DLGAP2: variants seen among roughly 807,000 people sequenced by gnomAD.
The protein encoded by DLGAP2 is DLG associated protein 2.
A neutral mutation model predicts 100.3 loss-of-function variants in DLGAP2; 26 were observed. The ratio of observed to expected loss-of-function variants is 0.26; its 90% CI spans 0.19 to 0.36. DLGAP2 has a LOEUF of 0.36. DLGAP2 is among the 10% of genes least tolerant of loss of function. The pLI, the probability that DLGAP2 is intolerant of heterozygous loss-of-function variation, is 1.00. For missense variants in DLGAP2, 1,858 were observed against 1,453.2 expected, an observed-to-expected ratio of 1.28 and a Z score of -4.53; for synonymous variants, 886 against 630.1, an observed-to-expected ratio of 1.41 and a Z score of -6.08.
intron 14 of DLGAP2, among the ~76,000 whole-genome samples, chr8:1,699,313 T>C (rs773939703): frequency 1.3e-5 from 2 of 151,824 alleles, no homozygotes; most frequent in Non-Finnish European, 2.9e-5. Flanking sequence ...CTACTAAAAA[T>C]ACACAAAATT....
intron 3 of DLGAP2, among the ~76,000 whole-genome samples, chr8:1,364,375 G>A (rs567814255): frequency 9.2e-5 from 14 of 152,148 alleles, no homozygotes; most frequent in Non-Finnish European, 1.5e-4. Flanking sequence ...TGCCACGTGC[G>A]GAATGAGGAG....
At chr8:1,285,022 C>T (rs1799894236) in intron 3 of DLGAP2, among the ~76,000 whole-genome samples, 1 of 152,186 alleles carries the variant, frequency 6.6e-6, no homozygotes, top group Non-Finnish European at 1.5e-5. Context: ...ATTTCCCTTG[C>T]TTTTTGGTGT....
chr8:1,615,305 G>C (rs548352400), intron 6 of DLGAP2, among the ~76,000 whole-genome samples: 37 of 152,266 alleles, frequency 2.4e-4, no homozygotes, highest in Admixed American at 1.4e-3. Context: ...AACACCCAAA[G>C]CTAAGGAGGA....
At chr8:1,244,978 A>C (rs1261274447) in intron 2 of DLGAP2, among the ~76,000 whole-genome samples, 1 of 152,242 alleles carries the variant, frequency 6.6e-6, no homozygotes, top group East Asian at 1.9e-4. Flanking sequence ...ATTCACCCAC[A>C]GAAGGTGTGG....
At chr8:1,561,732 C>G (rs185366889) in intron 5 of DLGAP2, among the ~76,000 whole-genome samples, 1 of 140,726 alleles carries the variant, frequency 7.1e-6, no homozygotes, top group Non-Finnish European at 1.5e-5. Flanking sequence ...GTCCGCGCCT[C>G]GTTTCTGGGG....
intron 2 of DLGAP2, among the ~76,000 whole-genome samples, chr8:1,102,008 A>C (rs1255356229): frequency 6.6e-6 from 1 of 152,106 alleles, no homozygotes; most frequent in African/African-American, 2.4e-5. Flanking sequence ...AAGATTTATG[A>C]ACTTAAAAAA....
chr8:1,056,415 C>T (rs1257160839), intron 2 of DLGAP2, among the ~76,000 whole-genome samples: 1 of 152,168 alleles, frequency 6.6e-6, no homozygotes, highest in African/African-American at 2.4e-5. Context: ...TCTCTTTTTC[C>T]TAGTTTGCTT....
At chr8:1,616,798 C>A (rs548728464) in intron 6 of DLGAP2, among the ~76,000 whole-genome samples, 6 of 638 alleles carry the variant, frequency 9.4e-3, no homozygotes, top group African/African-American at 0.031. Context: ...GGTAAACTCA[C>A]GTCATGTGGG....
In DLGAP2 at chr8:1,453,228, G is replaced by T. The variant is rs150714950; in HGVS notation, c.107-48138G>T. On this transcript the variant is annotated intron_variant, in intron 3 of 14. Coordinates refer to ENST00000637795, the MANE Select transcript of DLGAP2 (RefSeq NM_001346810.2). The stretch of plus-strand genomic sequence containing the variant: ...TCTTAGGCACACAGTTCTCGGAGCT[G>T]GGACGGAGACGGGAATGGGCCGTGC... Among the ~76,000 whole-genome samples, 140 of 152,292 alleles carry T rather than the reference G, an allele frequency of 9.2e-4. 3 individuals carry two copies. Among genetic ancestry groups the T allele is most frequent in the Admixed American group, 2.7e-3 (41 of 15,296 alleles).
intron 3 of DLGAP2, among the ~76,000 whole-genome samples, chr8:1,476,254 G>C (rs963199120): frequency 6.6e-6 from 1 of 152,178 alleles, no homozygotes; most frequent in African/African-American, 2.4e-5. Context: ...CGTTTTTGAA[G>C]TGTCATCTGA....
At chr8:960,298 C>A (rs1245748596) in intron 2 of DLGAP2, among the ~76,000 whole-genome samples, 1 of 125,978 alleles carries the variant, frequency 7.9e-6, no homozygotes, top group African/African-American at 3.0e-5. Flanking sequence ...TGAAGTGGCA[C>A]AATCTTGGCT....
Position 1,651,611 on chromosome 8 carries a change from G to T in DLGAP2, c.1811-16718G>T, listed in dbSNP as rs929540738. On this transcript the variant is annotated intron_variant, in intron 8 of 14. Transcript: ENST00000637795. ...TGCCATGACCACCCCACTCCTGCCG[G>T]GCTCCTGCCTGGCCCACAGCTCCAA... is the stretch of plus-strand genomic sequence containing the variant. 7.2e-5 allele frequency among the ~76,000 whole-genome samples: 11 copies of T among 152,122 alleles called. No individual in the cohort carries two copies. The East Asian group carries it at 2.1e-3, about 29-fold the overall frequency.
intron 2 of DLGAP2, among the ~76,000 whole-genome samples, chr8:1,190,779 TC>T (rs1272185262): frequency 6.6e-6 from 1 of 151,962 alleles, no homozygotes; most frequent in Non-Finnish European, 1.5e-5. Context: ...GAGCCCAGGT[TC>T]CAGGTGCACG....
At chr8:1,112,668 G>GTCTGTTCGC (rs767615925) in intron 2 of DLGAP2, among the ~76,000 whole-genome samples, 24 of 152,174 alleles carry the variant, frequency 1.6e-4, no homozygotes, top group Non-Finnish European at 2.6e-4. Context: ...CTAGTAGTTT[G>GTCTGTTCGC]TCTGTTCGCT....
chr8:1,120,046 C>T (rs1795998644), intron 2 of DLGAP2, among the ~76,000 whole-genome samples: 1 of 152,144 alleles, frequency 6.6e-6, no homozygotes, highest in Non-Finnish European at 1.5e-5. Context: ...CAGGCAGCAA[C>T]TTATAACAAA....
chr8:1,237,202 G>A (rs1157689232), intron 2 of DLGAP2, among the ~76,000 whole-genome samples: 49 of 81,212 alleles, frequency 6.0e-4, no homozygotes, highest in African/African-American at 1.3e-3. Context: ...GTTCTCTCAC[G>A]TGGTGCCGTG....
At position 1,059,629 on chromosome 8, in the gene DLGAP2, C is replaced by T. The variant is rs901491518; in HGVS notation, c.73+151663C>T. Among the ~76,000 whole-genome samples the T allele has an allele frequency of 1.3e-5, 2 of 152,152 alleles. 1 individual carries two copies. Among genetic ancestry groups the T allele is most frequent in the African/African-American group, 4.8e-5 (2 of 41,442 alleles). On this transcript the variant is annotated intron_variant, in intron 2 of 14. Transcript: ENST00000637795. ...TGTTCTGGTTTGCTCCCTCCTGTGT[C>T]CCCACCACTTCACAAATGCCTGGTG...
intron 3 of DLGAP2, among the ~76,000 whole-genome samples, chr8:1,425,054 A>T (rs1797201215): frequency 6.6e-6 from 1 of 152,214 alleles, no homozygotes; most frequent in South Asian, 2.1e-4. Context: ...TTAAACATTT[A>T]AAAAATTTTT....
chr8:878,270 G>A (rs908373750), intron 1 of DLGAP2, among the ~76,000 whole-genome samples: 13 of 152,114 alleles, frequency 8.5e-5, no homozygotes, highest in Admixed American at 6.5e-4. Flanking sequence ...AGGAGAATAC[G>A]GGATATAGAA....
Sources: allele counts gnomAD v4.1 joint callset (sites outside exome capture counted in the v4.1 genomes callset), GRCh38; gene constraint gnomAD v4.1.1; transcripts MANE v1.5; gene names NCBI Gene and HGNC (gene_info 2026-07-23, HGNC 2026-07-21).